The following MYO19 variants were observed in gnomAD, a reference collection of about 807,000 sequenced individuals.
MYO19 encodes the protein unconventional myosin-XIX.
In MYO19, 132 loss-of-function variants were observed where a neutral mutation model predicts 129.2. The observed-to-expected ratio is 1.02, with a 90% CI of 0.89 to 1.18. The LOEUF is 1.18. Ranked by LOEUF, MYO19 falls within the 50% of genes most tolerant of loss-of-function variation. The pLI, the probability that MYO19 is intolerant of heterozygous loss-of-function variation, is 0.00. For missense variants in MYO19, 1,210 were observed against 1,216.7 expected (o/e 0.99, Z 0.08); for synonymous variants, 531 against 477.2 (o/e 1.11, Z -1.47).
chr17:36,504,254 C>G (rs1419382316), intron 19 of MYO19: 8 of 493,690 alleles, frequency 1.6e-5, no homozygotes, highest in Non-Finnish European at 2.5e-5. Context: ...CGACGCATGG[C>G]TTCTGATACA....
chr17:36,522,028 TAAAAAAAAAAA>T (rs370448301), intron 6 of MYO19, among the ~76,000 whole-genome samples: 125 of 115,302 alleles, frequency 1.1e-3, no homozygotes, highest in Non-Finnish European at 3.4e-4. Flanking sequence ...AGACTGTCTT[TAAAAAAAAAAA>T]AAAAAAAAGA....
chr17:36,499,504 CTTTT>C (rs67039403), intron 23 of MYO19, among the ~76,000 whole-genome samples: 4 of 149,394 alleles, frequency 2.7e-5, no homozygotes, highest in Non-Finnish European at 4.5e-5. Context: ...CCTTTAAAAA[CTTTT>C]TTTTTTGTTT....
At chr17:36,527,457 C>T (rs2073544354) in intron 5 of MYO19, 94 bp downstream of exon 5, 4 of 1,394,272 alleles carry the variant, frequency 2.9e-6, no homozygotes, top group Non-Finnish European at 3.8e-6. Flanking sequence ...GACCACATTG[C>T]TGGTGAATAG....
At chr17:36,511,320 T>C (rs2072307179) in intron 12 of MYO19, 45 bp downstream of exon 12, 1 of 1,544,618 alleles carries the variant, frequency 6.5e-7, no homozygotes, top group Admixed American at 2.0e-5. Flanking sequence ...CAATGCTGGC[T>C]ACCTTCCTGA....
chr17:36,525,109 G>A, intron 6 of MYO19, 119 bp downstream of exon 6: 1 of 745,886 alleles, frequency 1.3e-6, no homozygotes, highest in East Asian at 2.5e-5. Context: ...GCTTCAGCCA[G>A]CCTATGTGGG....
chr17:36,506,135 G>C (rs1161452062), intron 18 of MYO19, among the ~76,000 whole-genome samples: 1 of 152,118 alleles, frequency 6.6e-6, no homozygotes, highest in African/African-American at 2.4e-5. Flanking sequence ...AGAACAGGAA[G>C]CTAGACAGCT....
chr17:36,503,865 TG>T, intron 20 of MYO19, 84 bp downstream of exon 20: 2 of 1,131,238 alleles, frequency 1.8e-6, no homozygotes, highest in Non-Finnish European at 1.2e-6. Flanking sequence ...CATCTCACTC[TG>T]GGTTGGGCAG....
chr17:36,527,929 G>A (rs1567788554), intron 4 of MYO19, 135 bp downstream of exon 4: 1 of 1,287,792 alleles, frequency 7.8e-7, no homozygotes, highest in South Asian at 1.5e-5. Context: ...TCAGGCGGAG[G>A]TCTGGAGCAG....
In MYO19 at chr17:36,524,619, C is replaced by T. The variant is rs180837267; in HGVS notation, c.414+609G>A. On this transcript the variant is annotated intron_variant, in intron 6 of 25. Coordinates refer to ENST00000614623, the MANE Select transcript of MYO19 (RefSeq NM_001163735.2). ...TACCAGGAGCTTCTGTCCTCCCCAA[C>T]ACCTGGCCCAATATACTGCCCTTGC... 1.2e-3 allele frequency among the ~76,000 whole-genome samples: 176 copies of T among 152,348 alleles called. 3 individuals are homozygous for T. Among genetic ancestry groups the T allele is most frequent in the Non-Finnish European group, 1.6e-4 (11 of 68,034 alleles).
At chr17:36,518,559 T>C (rs2072941842) in intron 6 of MYO19, among the ~76,000 whole-genome samples, 1 of 127,448 alleles carries the variant, frequency 7.8e-6, no homozygotes. Flanking sequence ...TATATGTGTA[T>C]GTGTATATAT....
At chr17:36,509,271 C>T in intron 13 of MYO19, 136 bp from the exon 14 acceptor site, 2 of 717,476 alleles carry the variant, frequency 2.8e-6, no homozygotes, top group South Asian at 3.2e-5. Context: ...AGACCAAATC[C>T]TCTCCTCTTG....
At chr17:36,527,767 C>T in intron 4 of MYO19, 68 bp from the exon 5 acceptor site, 1 of 1,498,516 alleles carries the variant, frequency 6.7e-7, no homozygotes, top group African/African-American at 1.4e-5. Context: ...AGACACACAT[C>T]TACTTAAGTA....
At chr17:36,539,370 CAAGT>C (rs1329914389), upstream of MYO19, 1 of 166,572 alleles carries the variant, frequency 6.0e-6, no homozygotes, top group Non-Finnish European at 1.5e-5. Context: ...GACTAAGAAG[CAAGT>C]GTTTAAAATC....
chr17:36,510,985 G>A, intron 12 of MYO19, 68 bp from the exon 13 acceptor site: 1 of 1,491,860 alleles, frequency 6.7e-7, no homozygotes, highest in Non-Finnish European at 9.0e-7. Flanking sequence ...GCACTGTGAA[G>A]TCATCACAGC....
chr17:36,542,563 G>A (rs563276580), intron 1 of MYO19, among the ~76,000 whole-genome samples: 1 of 151,954 alleles, frequency 6.6e-6, no homozygotes, highest in South Asian at 2.1e-4. Context: ...GCTGGGCGTG[G>A]TGGCAGGCGC....
At chr17:36,529,112 T>G (rs2073671261) in intron 3 of MYO19, among the ~76,000 whole-genome samples, 1 of 151,972 alleles carries the variant, frequency 6.6e-6, no homozygotes, top group South Asian at 2.1e-4. Context: ...AGGTCAAGAA[T>G]AAGCACCAAG....
chr17:36,506,404 G>A (rs2071886297), intron 18 of MYO19, 52 bp downstream of exon 18: 1 of 1,603,220 alleles, frequency 6.2e-7, no homozygotes, highest in Non-Finnish European at 8.5e-7. Flanking sequence ...ATAAATATTT[G>A]TGAGACCGTG....
chr17:36,540,192 A>T (rs1451569865), intron 2 of MYO19, among the ~76,000 whole-genome samples: 1 of 152,106 alleles, frequency 6.6e-6, no homozygotes, highest in Non-Finnish European at 1.5e-5. Flanking sequence ...TACCCAGTGT[A>T]ATTTAATAAA....
chr17:36,512,299 G>C (rs902313036), intron 11 of MYO19, among the ~76,000 whole-genome samples: 4 of 148,740 alleles, frequency 2.7e-5, no homozygotes, highest in Non-Finnish European at 5.9e-5. Flanking sequence ...TGAGGTAGGA[G>C]AATCACTTGA....
Sources: allele counts gnomAD v4.1 joint callset (sites outside exome capture counted in the v4.1 genomes callset), GRCh38; gene constraint gnomAD v4.1.1; transcripts MANE v1.5; gene names NCBI Gene and HGNC (gene_info 2026-07-23, HGNC 2026-07-21).